PCDHGB1: variants seen among roughly 807,000 people sequenced by gnomAD.
The protein encoded by PCDHGB1 is protocadherin gamma-B1.
A neutral mutation model predicts 56.6 loss-of-function variants in PCDHGB1; 34 were observed. The ratio of observed to expected loss-of-function variants is 0.60; its 90% confidence interval spans 0.46 to 0.80. The LOEUF (loss-of-function observed/expected upper bound fraction) is 0.80, where lower values mean the gene tolerates loss of function less well. Among genes scored for constraint, PCDHGB1 ranks in the 30% least tolerant of loss-of-function variants. The probability of loss-of-function intolerance (pLI) is 0.00; values close to 1 mark genes in which losing one functional copy is unlikely to be tolerated. For synonymous variants in PCDHGB1, 561 were observed against 505.9 expected, an observed-to-expected ratio of 1.11 and a Z score of -1.46; for missense variants, 1,278 against 1,204.6, an observed-to-expected ratio of 1.06 and a Z score of -0.90.
intron 2 of PCDHGB1, among the ~76,000 whole-genome samples, chr5:141,501,528 A>G (rs1173385747): frequency 6.6e-6 from 1 of 151,978 alleles, no homozygotes; most frequent in Non-Finnish European, 1.5e-5. Context: ...GAAGCCCAGT[A>G]CGTTGTTGTG....
intron 1 of PCDHGB1, chr5:141,421,226 C>A (rs368125665): frequency 3.7e-5 from 58 of 1,584,718 alleles, no homozygotes; most frequent in Non-Finnish European, 4.6e-5. Context: ...TTAGAGCCTG[C>A]CATGGCGAAT....
chr5:141,350,630 A>G lies in PCDHGB1; in HGVS notation c.370A>G (p.Asn124Asp), dbSNP rs761842386. Residue 124 changes from asparagine to aspartate, a missense_variant, in exon 1 of 4, where the codon AAT becomes GAT. Transcript: ENST00000523390. ...CGTGGTTGTTGTAATCCAAGATATT[A>G]ATGACAATGCACCACGTTTCGTTGC... ...FHVVVVIQDINDNAPRFVAKG... is the reference protein window; with the variant it reads ...FHVVVVIQDIDDNAPRFVAKG... 6 of 1,613,930 alleles carry G rather than the reference A, an allele frequency of 3.7e-6. No individual in the cohort carries two copies. Among genetic ancestry groups the G allele is most frequent in the Non-Finnish European group, 5.1e-6 (6 of 1,179,902 alleles).
rs977174958 is a variant in PCDHGB1, at chr5:141,394,524, G to C, written c.2409+41855G>C. 3.7e-6 allele frequency: 6 copies of C among 1,614,096 alleles called. No homozygotes were observed. The African/African-American group carries it at 6.7e-5, about 18-fold the overall frequency. ...CCTGTACCCCGCCCTCCCCACAGAC[G>C]GTTCCACTGGCGTGGAGCTGGCGCC... On this transcript the variant is annotated intron_variant, in intron 1 of 3. Coordinates refer to ENST00000523390, the MANE Select transcript of PCDHGB1 (RefSeq NM_018922.3).
intron 1 of PCDHGB1, chr5:141,418,387 G>C (rs1172239604): frequency 1.9e-6 from 3 of 1,613,884 alleles, no homozygotes; most frequent in Non-Finnish European, 2.5e-6. Flanking sequence ...GTCCTAACGA[G>C]TATTTCTCAT....
chr5:141,503,343 T>C (rs558650835), intron 2 of PCDHGB1, among the ~76,000 whole-genome samples: 87 of 152,106 alleles, frequency 5.7e-4, no homozygotes, highest in South Asian at 1.2e-3. Flanking sequence ...ACGCCTGTAA[T>C]TCCAGCACTT....
chr5:141,384,817 CA>C (rs1780547722), intron 1 of PCDHGB1: 1 of 1,613,416 alleles, frequency 6.2e-7, no homozygotes, highest in Non-Finnish European at 8.5e-7. Flanking sequence ...TGCCCTCAAG[CA>C]GAGCCTCGTG....
chr5:141,492,499 C>T (rs2099741220), intron 1 of PCDHGB1, among the ~76,000 whole-genome samples: 1 of 152,198 alleles, frequency 6.6e-6, no homozygotes. Context: ...GGCGAGGACT[C>T]CGGAGCCTCC....
intron 1 of PCDHGB1, chr5:141,426,294 CAG>C (rs555591649): frequency 1.2e-4 from 20 of 167,070 alleles, no homozygotes; most frequent in African/African-American, 4.5e-4. Context: ...GGATGGGAAA[CAG>C]GGTGAAGCAG....
chr5:141,382,470 A>G (rs918118556), intron 1 of PCDHGB1, among the ~76,000 whole-genome samples: 1 of 152,234 alleles, frequency 6.6e-6, no homozygotes, highest in African/African-American at 2.4e-5. Flanking sequence ...TTTAAAAATT[A>G]TCTAAGATTA....
At chr5:141,422,716 G>T (rs1348237465) in intron 1 of PCDHGB1, 1 of 1,604,378 alleles carries the variant, frequency 6.2e-7, no homozygotes, top group African/African-American at 1.3e-5. Context: ...GGATGACACT[G>T]TCCAGGGGGT....
At chr5:141,394,744 T>C (rs755757019) in intron 1 of PCDHGB1, 1 of 1,613,408 alleles carries the variant, frequency 6.2e-7, no homozygotes, top group Non-Finnish European at 8.5e-7. Flanking sequence ...AGCCTCGTGG[T>C]GGCCGTCCAG....
intron 1 of PCDHGB1, chr5:141,418,952 G>T: frequency 1.9e-6 from 3 of 1,614,050 alleles, no homozygotes; most frequent in Non-Finnish European, 2.5e-6. Context: ...TCCAGGAGTG[G>T]TTGTTGCCCT....
chr5:141,491,666 G>A lies in PCDHGB1; in HGVS notation c.2410-3141G>A, dbSNP rs373526771. 9.4e-5 allele frequency: 152 copies of A among 1,613,614 alleles called. No homozygotes were observed. The highest frequency in any genetic ancestry group is 1.2e-4 in the Non-Finnish European group (142 of 1,180,016). The stretch of plus-strand genomic sequence containing the variant: ...CTGGCGCTGGAGCCTGACGCCATCC[G>A]GTCCCGCTCTAATACGCTGCGGGAG... On this transcript the variant is annotated intron_variant, in intron 1 of 3. Coordinates refer to ENST00000523390, the MANE Select transcript of PCDHGB1 (RefSeq NM_018922.3). This position sits in a 1 kb window ranked among gnomAD's most constrained non-coding sequence, Gnocchi z 6.9.
intron 3 of PCDHGB1, among the ~76,000 whole-genome samples, chr5:141,510,624 A>C (rs2099881973): frequency 6.6e-6 from 1 of 152,164 alleles, no homozygotes; most frequent in African/African-American, 2.4e-5. Flanking sequence ...TAAAACCAGA[A>C]GAGGTGGTTA....
intron 1 of PCDHGB1, among the ~76,000 whole-genome samples, chr5:141,451,606 G>C (rs2098720118): frequency 6.6e-6 from 1 of 152,152 alleles, no homozygotes; most frequent in Non-Finnish European, 1.5e-5. Flanking sequence ...ACAAGGCTAG[G>C]CATGGTGGCT....
At position 141,384,817 on chromosome 5, in the gene PCDHGB1, C is replaced by A. The variant is rs373370095; in HGVS notation, c.2409+32148C>A. 2.5e-6 allele frequency: 4 copies of A among 1,613,416 alleles called. No homozygotes were observed. The South Asian group carries it at 4.4e-5, about 18-fold the overall frequency. On this transcript the variant is annotated intron_variant, in intron 1 of 3. Coordinates refer to ENST00000523390, the MANE Select transcript of PCDHGB1 (RefSeq NM_018922.3). ...CCTGCTGGACAGAGATGCCCTCAAG[C>A]AGAGCCTCGTGGTGGCCGTCCAGGA...
At chr5:141,411,958 GAT>G (rs1485546812) in intron 1 of PCDHGB1, 1 of 152,192 alleles carries the variant, frequency 6.6e-6, no homozygotes, top group African/African-American at 2.4e-5. Flanking sequence ...GAAGAAAAAA[GAT>G]AAAATCTTTG....
Position 141,485,746 on chromosome 5 carries a change from C to T in PCDHGB1, c.2410-9061C>T, listed in dbSNP as rs1297635523. ...AGAAGCGCAGCGACGGCAGCCTGGT[C>T]CCAGAGCTGCTCCTGGAGAAGCCTT... On this transcript the variant is annotated intron_variant, in intron 1 of 3. Coordinates refer to ENST00000523390, the MANE Select transcript of PCDHGB1 (RefSeq NM_018922.3). The surrounding 1 kb of genome is among the most constrained non-coding windows in gnomAD (Gnocchi z 5.7). 6.2e-7 allele frequency: 1 copy of T among 1,614,128 alleles called. No individual in the cohort carries two copies. The highest frequency in any genetic ancestry group is 2.2e-5 in the East Asian group (1 of 44,880).
At chr5:141,357,339 A>C (rs771047184) in intron 1 of PCDHGB1, 2 of 1,613,868 alleles carry the variant, frequency 1.2e-6, no homozygotes, top group Non-Finnish European at 1.7e-6. Context: ...TGCTGCTAGC[A>C]CTCAAGCTGA....
Sources: gnomAD v4.1 joint callset for allele counts (sites outside exome capture counted in the v4.1 genomes callset) on GRCh38, gnomAD v4.1.1 for gene constraint, Gnocchi (gnomAD v3.1) non-coding constraint, MANE v1.5 for transcripts, NCBI Gene and HGNC (gene_info 2026-07-23, HGNC 2026-07-21) for gene names.